CHD7: variants seen among roughly 807,000 people sequenced by gnomAD.
CHD7 encodes the protein chromodomain helicase DNA binding protein 7.
A neutral mutation model predicts 307.3 loss-of-function variants in CHD7; 24 were observed. The observed-to-expected ratio is 0.08, with a 90% CI of 0.06 to 0.11. CHD7 has a LOEUF of 0.11. Among genes scored for constraint, CHD7 ranks in the 10% least tolerant of loss-of-function variants. The probability of loss-of-function intolerance (pLI) is 1.00; values close to 1 mark genes in which losing one functional copy is unlikely to be tolerated. For synonymous variants in CHD7, 1,363 were observed against 1,349.9 expected (o/e 1.01, Z -0.21); for missense variants, 3,106 against 3,727.1 (o/e 0.83, Z 4.34).
At chr8:60,800,350 A>G (rs761552658) in intron 4 of CHD7, 38 bp from the exon 5 acceptor site, 1 of 1,600,798 alleles carries the variant, frequency 6.2e-7, no homozygotes, top group Non-Finnish European at 8.5e-7. Context: ...CTTTTTAATC[A>G]TTAATTTCAA....
At chr8:60,701,618 G>A (rs972269590) in intron 1 of CHD7, among the ~76,000 whole-genome samples, 2 of 152,106 alleles carry the variant, frequency 1.3e-5, no homozygotes, top group African/African-American at 2.4e-5. Context: ...AATATTTCCT[G>A]ATATTCTTTT....
intron 1 of CHD7, among the ~76,000 whole-genome samples, chr8:60,709,506 G>A (rs1321442348): frequency 1.3e-5 from 2 of 152,146 alleles, no homozygotes; most frequent in East Asian, 3.8e-4. Context: ...CTGAATGAGT[G>A]TCATTGTTGC....
chr8:60,753,859 G>A (rs938677689), intron 2 of CHD7, among the ~76,000 whole-genome samples: 8 of 151,666 alleles, frequency 5.3e-5, no homozygotes, highest in Non-Finnish European at 1.0e-4. Context: ...TCCTTTCCTC[G>A]GGTGATCCAC....
intron 25 of CHD7, among the ~76,000 whole-genome samples, 187 bp from the exon 26 acceptor site, chr8:60,850,306 C>G (rs1448691631): frequency 6.6e-6 from 1 of 152,150 alleles, no homozygotes; most frequent in Non-Finnish European, 1.5e-5. Context: ...TAACTTGGCT[C>G]CCAGTAGCTT....
Position 60,862,180 on chromosome 8 carries a change from GT to G in CHD7, c.7831-10del, listed in dbSNP as rs780479001. ...ACTAAATACCAATTTTACTAAATAT[GT>G]TTTTTCTTTTGCAGAAGAATGCAGA... On this transcript the variant is annotated splice_polypyrimidine_tract_variant and intron_variant, in intron 35 of 37. Transcript: ENST00000423902. The G allele has an allele frequency of 4.4e-6, 7 of 1,590,650 alleles. No individual in the cohort carries two copies. The highest frequency in any genetic ancestry group is 6.0e-6 in the Non-Finnish European group (7 of 1,167,396).
intron 1 of CHD7, among the ~76,000 whole-genome samples, chr8:60,685,669 T>TA (rs1805847690): frequency 6.6e-6 from 1 of 152,236 alleles, no homozygotes; most frequent in African/African-American, 2.4e-5. Flanking sequence ...TCAGAATACT[T>TA]ACCTGGTTTT....
Position 60,808,258 on chromosome 8 carries a change from G to C in CHD7, c.2484G>C (p.Val828=). Residue 828 remains valine, a synonymous_variant, in exon 7 of 38, where the codon GTG becomes GTC. Transcript: ENST00000423902. The stretch of plus-strand genomic sequence containing the variant: ...AGGTAGAAATTGAGGAATTCTATGT[G>C]AAATACAAAAACTTGTAAGTAAATT... ...GEEVEIEEFY[V]KYKNFSYLHC... 5.0e-6 allele frequency: 8 copies of C among 1,586,702 alleles called. No homozygotes were observed. The highest frequency in any genetic ancestry group is 6.9e-6 in the Non-Finnish European group (8 of 1,160,062).
intron 2 of CHD7, among the ~76,000 whole-genome samples, chr8:60,744,092 GT>G (rs2150583147): frequency 6.6e-6 from 1 of 152,332 alleles, no homozygotes; most frequent in East Asian, 1.9e-4. Context: ...GTAGTTGAGA[GT>G]GCTTGGAATT....
In CHD7 at chr8:60,852,632, G is replaced by T. The variant is rs767713860; in HGVS notation, c.6029G>T (p.Ser2010Ile). The T allele has an allele frequency of 6.2e-7, 1 of 1,614,014 alleles. No individual in the cohort carries two copies. The highest frequency in any genetic ancestry group is 1.7e-5 in the Admixed American group (1 of 60,028). The stretch of plus-strand genomic sequence containing the variant: ...AGGCTTGACAAAAAATCTGATGAGA[G>T]TTTGGAGAAATACTTCAGTTGTTTT... ...FARLDKKSDESLEKYFSCFVA... is the reference protein window; with the variant it reads ...FARLDKKSDEILEKYFSCFVA... The change falls in exon 30 of 38, where the codon AGT (serine) becomes ATT (isoleucine). Residue 2010 changes from serine (S) to isoleucine (I), a missense_variant. Around this residue, in one of 10 missense-constraint regions of CHD7, gnomAD observed 1,030 missense variants for 1,165.4 expected, o/e 0.88. Transcript: ENST00000423902.
chr8:60,735,111 A>G (rs1378776367), intron 1 of CHD7, among the ~76,000 whole-genome samples: 1 of 152,198 alleles, frequency 6.6e-6, no homozygotes, highest in East Asian at 1.9e-4. Context: ...TTCAAACTGC[A>G]AGCTGCACGA....
rs1261230568 is a variant in CHD7, at chr8:60,865,393, C to G, written c.8454C>G (p.Asn2818Lys). Residue 2818 changes from asparagine to lysine, a missense_variant, in exon 38 of 38, where the codon AAC becomes AAG. By Grantham distance (94) the Asn-to-Lys change is moderately conservative (BLOSUM62 0). Around this residue, in one of 10 missense-constraint regions of CHD7, gnomAD observed 351 missense variants for 366.2 expected, o/e 0.96. Coordinates refer to ENST00000423902, the MANE Select transcript of CHD7 (RefSeq NM_017780.4). This position sits in a 1 kb window ranked among gnomAD's most constrained non-coding sequence, Gnocchi z 4.3. ...TTGGCTTGGGCGGGCTGTTGAATAA[C>G]CCTCTGTCAGCTGCTACTGGAAACA... ...NVFGLGGLLN[N>K]PLSAATGNTT... The G allele has an allele frequency of 6.2e-7, 1 of 1,613,212 alleles. No homozygotes were observed. Among genetic ancestry groups the G allele is most frequent in the African/African-American group, 1.3e-5 (1 of 74,950 alleles).
At chr8:60,773,236 T>G (rs1477098700) in intron 2 of CHD7, among the ~76,000 whole-genome samples, 1 of 152,248 alleles carries the variant, frequency 6.6e-6, no homozygotes, top group Non-Finnish European at 1.5e-5. Flanking sequence ...GTGTTGCATT[T>G]GTGGTGGTTT....
chr8:60,851,014 TG>T lies in CHD7; in HGVS notation c.5535-17del, dbSNP rs1805429399. On this transcript the variant is annotated splice_polypyrimidine_tract_variant and intron_variant, in intron 26 of 37. Transcript: ENST00000423902. ...TTATCAGTATGATTCAAATAATTTT[TG>T]TGTTTGTTTTACATAGGGGAGAATT... 1 of 1,527,726 alleles carries T rather than the reference TG, an allele frequency of 6.5e-7. No individual in the cohort carries two copies. The highest frequency in any genetic ancestry group is 1.4e-5 in the African/African-American group (1 of 71,988). 94.6% of individuals were successfully genotyped at this position (1,527,726 alleles called of 1,614,324 possible).
At chr8:60,722,829 G>A (rs568923077) in intron 1 of CHD7, among the ~76,000 whole-genome samples, 1 of 152,302 alleles carries the variant, frequency 6.6e-6, no homozygotes, top group African/African-American at 2.4e-5. Flanking sequence ...ATGTGGACAT[G>A]TATTAAAAAG....
intron 1 of CHD7, among the ~76,000 whole-genome samples, chr8:60,683,574 G>A (rs1805735657): frequency 6.6e-6 from 1 of 152,198 alleles, no homozygotes; most frequent in African/African-American, 2.4e-5. Flanking sequence ...GAGAATGATT[G>A]GATATTTAGA....
chr8:60,850,254 T>A (rs1805392680), intron 25 of CHD7, among the ~76,000 whole-genome samples: 3 of 152,228 alleles, frequency 2.0e-5, no homozygotes. Flanking sequence ...AACCTGTTTT[T>A]CTATTAGTGT....
intron 1 of CHD7, among the ~76,000 whole-genome samples, chr8:60,737,745 C>T (rs978851541): frequency 1.1e-4 from 16 of 152,216 alleles, no homozygotes; most frequent in Non-Finnish European, 2.2e-4. Flanking sequence ...CATATTCTCA[C>T]ATTTAGTTAG....
At chr8:60,691,524 T>C (rs1376301932) in intron 1 of CHD7, among the ~76,000 whole-genome samples, 1 of 152,238 alleles carries the variant, frequency 6.6e-6, no homozygotes, top group Non-Finnish European at 1.5e-5. Context: ...AGACAGGTGC[T>C]TAGAAGGTGC....
At chr8:60,851,343 T>G (rs1301989447) in intron 28 of CHD7, 24 bp downstream of exon 28, 10 of 1,542,270 alleles carry the variant, frequency 6.5e-6, no homozygotes, top group Non-Finnish European at 8.8e-6. Flanking sequence ...AAAGCTTGTG[T>G]AGCCGAGCAG....
Sources: allele counts gnomAD v4.1 joint callset (sites outside exome capture counted in the v4.1 genomes callset), GRCh38; gene constraint gnomAD v4.1.1; regional missense constraint gnomAD v4.1.1; non-coding constraint Gnocchi (gnomAD v3.1); transcripts MANE v1.5; gene names NCBI Gene and HGNC (gene_info 2026-07-23, HGNC 2026-07-21).